The following ATP6V1E1 variants were observed in gnomAD, a reference collection of about 807,000 sequenced individuals.
The protein encoded by ATP6V1E1 is ATPase H+ transporting V1 subunit E1.
In ATP6V1E1, 21 loss-of-function variants were observed where a neutral mutation model predicts 35.2. The observed-to-expected ratio is 0.60, with a 90% CI of 0.42 to 0.86. ATP6V1E1 has a LOEUF of 0.86. Among genes scored for constraint, ATP6V1E1 ranks in the 40% least tolerant of loss-of-function variants. ATP6V1E1 has a pLI of 0.00. For synonymous variants in ATP6V1E1, 83 were observed against 87.8 expected (o/e 0.95, Z 0.30); for missense variants, 183 against 272.6 (o/e 0.67, Z 2.32).
At chr22:17,626,105 G>T (rs1814536709) in intron 1 of ATP6V1E1, among the ~76,000 whole-genome samples, 1 of 151,848 alleles carries the variant, frequency 6.6e-6, no homozygotes, top group South Asian at 2.1e-4. Flanking sequence ...AGGAGATCAA[G>T]ACCATCCTGG....
At chr22:17,614,384 G>C (rs1051002400) in intron 2 of ATP6V1E1, among the ~76,000 whole-genome samples, 1 of 87,370 alleles carries the variant, frequency 1.1e-5, no homozygotes, top group African/African-American at 4.6e-5. Flanking sequence ...GGCTAGGCAT[G>C]GTGGCCTAAC....
At chr22:17,594,715 G>A in intron 7 of ATP6V1E1, 99 bp from the exon 8 acceptor site, 4 of 968,236 alleles carry the variant, frequency 4.1e-6, no homozygotes, top group Non-Finnish European at 5.8e-6. Context: ...GTCTTGGTGT[G>A]TAGACTGCGC....
intron 4 of ATP6V1E1, among the ~76,000 whole-genome samples, chr22:17,608,144 G>C (rs1601382927): frequency 6.6e-6 from 1 of 152,304 alleles, no homozygotes; most frequent in Middle Eastern, 3.4e-3. Context: ...TCCTAGAGGG[G>C]CCAGCACGAT....
chr22:17,628,575 C>A, intron 1 of ATP6V1E1, 28 bp downstream of exon 1: 1 of 1,613,998 alleles, frequency 6.2e-7, no homozygotes, highest in Non-Finnish European at 8.5e-7. Flanking sequence ...GCCGCCGCGG[C>A]TTCGTAAGAC....
At chr22:17,594,812 AG>A in intron 7 of ATP6V1E1, 196 bp from the exon 8 acceptor site, 1 of 422,084 alleles carries the variant, frequency 2.4e-6, no homozygotes, top group Non-Finnish European at 4.2e-6. Context: ...GTCCCCGCCT[AG>A]ATGTCCATTA....
At position 17,624,820 on chromosome 22, in the gene ATP6V1E1, C is replaced by CA. The variant is rs899319377; in HGVS notation, c.33+3782dup. Among the ~76,000 whole-genome samples the CA allele has an allele frequency of 3.2e-3, 450 of 141,454 alleles. 2 individuals are homozygous for CA. Among genetic ancestry groups the CA allele is most frequent in the African/African-American group, 9.9e-3 (382 of 38,678 alleles). 92.8% of individuals were successfully genotyped at this position (141,454 alleles called of 152,430 possible). A position where few individuals can be genotyped will look rare whatever the true frequency, so the allele number is the denominator to read the frequency against. ...TAGGCGACAAAGCAAGACTCCATCT[C>CA]AAAAAAAAAAAATCATTTTGATCTA... On this transcript the variant is annotated intron_variant, in intron 1 of 8. Coordinates refer to ENST00000253413, the MANE Select transcript of ATP6V1E1 (RefSeq NM_001696.4).
At chr22:17,611,793 C>T (rs2057816855) in intron 4 of ATP6V1E1, among the ~76,000 whole-genome samples, 1 of 152,194 alleles carries the variant, frequency 6.6e-6, no homozygotes. Context: ...AACACTGCTA[C>T]TCAGTTCTCA....
chr22:17,614,325 A>G (rs5747272), intron 2 of ATP6V1E1, among the ~76,000 whole-genome samples: 52,632 of 150,800 alleles, frequency 0.35, 9,492 homozygotes, highest in African/African-American at 0.41. Flanking sequence ...ACTCTAGCTT[A>G]GGGAAGAAGA....
intron 5 of ATP6V1E1, 196 bp downstream of exon 5, chr22:17,600,896 T>G: frequency 2.5e-6 from 1 of 397,280 alleles, no homozygotes; most frequent in Non-Finnish European, 4.5e-6. Flanking sequence ...GCAGACAGAT[T>G]TACTATTTTC....
intron 7 of ATP6V1E1, among the ~76,000 whole-genome samples, chr22:17,596,011 A>G (rs2057730253): frequency 1.3e-5 from 2 of 152,168 alleles, no homozygotes; most frequent in Admixed American, 6.5e-5. Context: ...GGGTGCCTGT[A>G]GTCCCAGCTA....
At chr22:17,620,799 C>G (rs1488420172) in intron 1 of ATP6V1E1, among the ~76,000 whole-genome samples, 1 of 152,100 alleles carries the variant, frequency 6.6e-6, no homozygotes, top group Non-Finnish European at 1.5e-5. Flanking sequence ...CATGGTGGCT[C>G]ACGCCTGTAA....
At chr22:17,598,107 G>T (rs986633153) in intron 7 of ATP6V1E1, 87 bp downstream of exon 7, 1 of 1,050,808 alleles carries the variant, frequency 9.5e-7, no homozygotes, top group Non-Finnish European at 1.5e-6. Flanking sequence ...CGTTTAAATG[G>T]TGAAAATACC....
chr22:17,594,676 AC>A, intron 7 of ATP6V1E1, 60 bp from the exon 8 acceptor site: 1 of 1,372,918 alleles, frequency 7.3e-7, no homozygotes, highest in Non-Finnish European at 9.9e-7. Context: ...GATACATGGT[AC>A]CCTTTACTCC....
intron 7 of ATP6V1E1, among the ~76,000 whole-genome samples, chr22:17,597,606 G>C (rs1316143471): frequency 1.3e-5 from 2 of 151,978 alleles, no homozygotes; most frequent in Non-Finnish European, 2.9e-5. Flanking sequence ...CCTCCCCGCA[G>C]AAGGAAAGCA....
At chr22:17,599,887 T>C in intron 6 of ATP6V1E1, 140 bp downstream of exon 6, 1 of 662,562 alleles carries the variant, frequency 1.5e-6, no homozygotes, top group Non-Finnish European at 2.6e-6. Context: ...GATCCCGCCA[T>C]TGCACTCCAT....
At chr22:17,623,403 G>A (rs374269478) in intron 1 of ATP6V1E1, among the ~76,000 whole-genome samples, 4 of 152,022 alleles carry the variant, frequency 2.6e-5, no homozygotes, top group Non-Finnish European at 1.5e-5. Flanking sequence ...TTAACTAGCC[G>A]GGCTCACGCC....
chr22:17,627,638 G>A (rs1040001028), intron 1 of ATP6V1E1, among the ~76,000 whole-genome samples: 8 of 150,842 alleles, frequency 5.3e-5, no homozygotes, highest in African/African-American at 1.9e-4. Context: ...GGCCAATATG[G>A]TGAGACCCTG....
intron 1 of ATP6V1E1, among the ~76,000 whole-genome samples, chr22:17,623,182 C>T (rs1177565564): frequency 6.6e-6 from 1 of 152,106 alleles, no homozygotes; most frequent in Non-Finnish European, 1.5e-5. Context: ...GATGATCAAA[C>T]CTATGTTATA....
intron 1 of ATP6V1E1, among the ~76,000 whole-genome samples, chr22:17,620,379 C>T (rs2057869919): frequency 6.6e-6 from 1 of 151,826 alleles, no homozygotes; most frequent in Non-Finnish European, 1.5e-5. Context: ...GATCTCCTGG[C>T]CCTGTGATCC....
Sources: gnomAD v4.1 joint callset for allele counts (sites outside exome capture counted in the v4.1 genomes callset) on GRCh38, gnomAD v4.1.1 for gene constraint, MANE v1.5 for transcripts, NCBI Gene and HGNC (gene_info 2026-07-23, HGNC 2026-07-21) for gene names.